TBC1D9: variants seen among roughly 807,000 people sequenced by gnomAD.
TBC1D9 encodes the protein TBC1 domain family member 9A.
TBC1D9 carries 63 observed loss-of-function variants against 132.0 expected under a neutral mutation model. That is an observed-to-expected ratio of 0.48 (90% CI 0.39 to 0.59). The LOEUF (loss-of-function observed/expected upper bound fraction) is 0.59. Ranked by LOEUF, TBC1D9 falls within the 20% of genes least tolerant of loss-of-function variation. The pLI, the probability that TBC1D9 is intolerant of heterozygous loss-of-function variation, is 0.00. For synonymous variants in TBC1D9, 610 were observed against 609.9 expected, an observed-to-expected ratio of 1.00 and a Z score of 0.00; for missense variants, 1,261 against 1,592.7, an observed-to-expected ratio of 0.79 and a Z score of 3.54.
chr4:140,626,795 C>T (rs1297910119), intron 18 of TBC1D9, among the ~76,000 whole-genome samples: 1 of 152,062 alleles, frequency 6.6e-6, no homozygotes, highest in African/African-American at 2.4e-5. Context: ...ATATTTTAAC[C>T]TTTGTAGGTC....
intron 1 of TBC1D9, among the ~76,000 whole-genome samples, chr4:140,732,121 T>G (rs1365350532): frequency 1.3e-5 from 2 of 152,206 alleles, no homozygotes; most frequent in African/African-American, 4.8e-5. Flanking sequence ...TGCTCACTAG[T>G]CTGCTGTCCC....
chr4:140,735,336 T>C (rs1738655938), intron 1 of TBC1D9, among the ~76,000 whole-genome samples: 1 of 152,210 alleles, frequency 6.6e-6, no homozygotes, highest in African/African-American at 2.4e-5. Context: ...CTAAGGACTT[T>C]ATAAAATCCT....
intron 10 of TBC1D9, 72 bp downstream of exon 10, chr4:140,661,821 T>TC: frequency 7.7e-7 from 1 of 1,303,752 alleles, no homozygotes; most frequent in Non-Finnish European, 1.1e-6. Flanking sequence ...AAACCTTCCT[T>TC]CCCACTATTT....
At chr4:140,696,838 T>C (rs1176851623) in intron 2 of TBC1D9, among the ~76,000 whole-genome samples, 1 of 152,232 alleles carries the variant, frequency 6.6e-6, no homozygotes, top group Non-Finnish European at 1.5e-5. Flanking sequence ...GATTTAGACT[T>C]ACCCAATTAT....
At chr4:140,698,461 A>G (rs1456353504) in intron 2 of TBC1D9, among the ~76,000 whole-genome samples, 1 of 152,348 alleles carries the variant, frequency 6.6e-6, no homozygotes, top group South Asian at 2.1e-4. Context: ...TTAAAAAGAC[A>G]TAATTATGGC....
At chr4:140,720,564 A>G (rs1235073332) in intron 1 of TBC1D9, among the ~76,000 whole-genome samples, 6 of 152,240 alleles carry the variant, frequency 3.9e-5, no homozygotes, top group Non-Finnish European at 8.8e-5. Flanking sequence ...GATTTGCTCA[A>G]CTGTCCAAGC....
intron 1 of TBC1D9, among the ~76,000 whole-genome samples, chr4:140,711,739 T>C (rs1370381371): frequency 6.6e-6 from 1 of 152,218 alleles, no homozygotes; most frequent in Non-Finnish European, 1.5e-5. Context: ...CATGGTGAAA[T>C]GCACCTAGCA....
intron 4 of TBC1D9, 87 bp downstream of exon 4, chr4:140,679,528 T>C: frequency 1.1e-6 from 1 of 926,650 alleles, no homozygotes; most frequent in South Asian, 1.7e-5. Context: ...TATAGATTTA[T>C]TTCTGATATT....
At chr4:140,683,347 C>G (rs1737733445) in intron 3 of TBC1D9, among the ~76,000 whole-genome samples, 1 of 152,168 alleles carries the variant, frequency 6.6e-6, no homozygotes, top group Non-Finnish European at 1.5e-5. Context: ...AAAATACCAA[C>G]TTTCTCAACA....
chr4:140,648,386 T>C (rs934373575), intron 13 of TBC1D9, among the ~76,000 whole-genome samples: 1 of 121,586 alleles, frequency 8.2e-6, no homozygotes, highest in East Asian at 2.1e-4. Flanking sequence ...TTTGTTGTTG[T>C]TTTTTTTTTT....
intron 3 of TBC1D9, among the ~76,000 whole-genome samples, chr4:140,682,743 C>G (rs974586594): frequency 6.6e-6 from 1 of 152,180 alleles, no homozygotes; most frequent in Non-Finnish European, 1.5e-5. Flanking sequence ...ACATGCTATT[C>G]TCCTGGGTCA....
At chr4:140,623,979 G>T in intron 20 of TBC1D9, 137 bp downstream of exon 20, 1 of 680,724 alleles carries the variant, frequency 1.5e-6, no homozygotes, top group Non-Finnish European at 2.4e-6. Context: ...GCACAAAATA[G>T]GTCCAAATGG....
chr4:140,713,642 G>C (rs1030276586), intron 1 of TBC1D9, among the ~76,000 whole-genome samples: 1 of 152,020 alleles, frequency 6.6e-6, no homozygotes, highest in South Asian at 2.1e-4. Context: ...GGGAGACTGA[G>C]GCAGGAGGAT....
chr4:140,642,365 A>G (rs1737016468), intron 13 of TBC1D9: 2 of 835,198 alleles, frequency 2.4e-6, no homozygotes, highest in Non-Finnish European at 4.0e-6. Context: ...TTTTGTGTTT[A>G]CCTTCTCTGG....
chr4:140,713,749 T>TA (rs11438285), intron 1 of TBC1D9, among the ~76,000 whole-genome samples: 59,331 of 147,768 alleles, frequency 0.4, 12,842 homozygotes, highest in African/African-American at 0.56. Context: ...GAAAAAGAAT[T>TA]AAAAAAAAAA....
intron 3 of TBC1D9, 54 bp from the exon 4 acceptor site, chr4:140,679,897 G>T: frequency 1.4e-6 from 2 of 1,410,270 alleles, no homozygotes; most frequent in Non-Finnish European, 1.9e-6. Context: ...GACTAGAGAT[G>T]TACATATTCC....
chr4:140,723,250 A>G (rs1738450084), intron 1 of TBC1D9, among the ~76,000 whole-genome samples: 1 of 152,202 alleles, frequency 6.6e-6, no homozygotes, highest in Non-Finnish European at 1.5e-5. Flanking sequence ...TATGGCTTCA[A>G]CCTGCGTTAC....
chr4:140,641,108 A>AAAAAAAAAAAC (rs1736985292), intron 13 of TBC1D9, among the ~76,000 whole-genome samples: 1 of 147,788 alleles, frequency 6.8e-6, no homozygotes, highest in African/African-American at 2.5e-5. Flanking sequence ...AAAAAAACAA[A>AAAAAAAAAAAC]AAAAAACAGA....
chr4:140,720,910 C>T (rs557387398), intron 1 of TBC1D9, among the ~76,000 whole-genome samples: 4 of 152,308 alleles, frequency 2.6e-5, no homozygotes, highest in Non-Finnish European at 4.4e-5. Context: ...TTTGTGTGTG[C>T]GCCCAGACAG....
Sources: gnomAD v4.1 joint callset for allele counts (sites outside exome capture counted in the v4.1 genomes callset) on GRCh38, gnomAD v4.1.1 for gene constraint, MANE v1.5 for transcripts, NCBI Gene and HGNC (gene_info 2026-07-23, HGNC 2026-07-21) for gene names.